Variants in CDKL3 observed in about 807,000 individuals in gnomAD.
CDKL3 encodes the protein cyclin dependent kinase like 3.
In CDKL3, 65 loss-of-function variants were observed where a neutral mutation model predicts 69.3. That is an observed-to-expected ratio of 0.94 (90% CI 0.77 to 1.15). CDKL3 has a LOEUF of 1.15. Ranked by LOEUF, CDKL3 falls within the 50% of genes most tolerant of loss-of-function variation. The probability of loss-of-function intolerance (pLI) is 0.00; values close to 1 mark genes in which losing one functional copy is unlikely to be tolerated. For synonymous variants in CDKL3, 202 were observed against 221.6 expected, an observed-to-expected ratio of 0.91 and a Z score of 0.79; for missense variants, 652 against 689.2, an observed-to-expected ratio of 0.95 and a Z score of 0.61.
chr5:134,285,116 C>T (rs567078838), downstream of CDKL3, among the ~76,000 whole-genome samples: 7 of 152,172 alleles, frequency 4.6e-5, no homozygotes, highest in Non-Finnish European at 7.4e-5. Context: ...TCCCTCCGTT[C>T]GGGGCCCCTG....
intron 2 of CDKL3, among the ~76,000 whole-genome samples, chr5:134,363,584 C>T (rs1306146879): frequency 6.6e-6 from 1 of 151,714 alleles, no homozygotes; most frequent in African/African-American, 2.4e-5. Flanking sequence ...CCTCAGCCTC[C>T]CGAGTAGCTG....
At chr5:134,322,043 C>T (rs778166967) in intron 4 of CDKL3, 140 bp from the exon 5 acceptor site, 144 of 605,588 alleles carry the variant, frequency 2.4e-4, no homozygotes, top group Non-Finnish European at 3.7e-4. Context: ...TTTTCGAGAC[C>T]GAGTCTTGCT....
chr5:134,344,692 G>A (rs1329992854), intron 4 of CDKL3, among the ~76,000 whole-genome samples: 4 of 152,178 alleles, frequency 2.6e-5, no homozygotes, highest in African/African-American at 9.7e-5. Flanking sequence ...GGTAGGCTGA[G>A]GCGGGAGGAT....
chr5:134,295,110 G>A (rs1440708748), downstream of CDKL3, among the ~76,000 whole-genome samples: 2 of 149,746 alleles, frequency 1.3e-5, no homozygotes, highest in African/African-American at 4.9e-5. Context: ...CACCTCCTGG[G>A]TTCAAGCAAT....
intron 2 of CDKL3, 74 bp from the exon 3 acceptor site, chr5:134,360,165 T>C (rs1376723128): frequency 2.0e-6 from 2 of 1,025,304 alleles, no homozygotes; most frequent in South Asian, 1.7e-5. Context: ...CGTGTAAATT[T>C]TGTAAAGAAA....
chr5:134,295,846 A>T (rs1765321946), downstream of CDKL3, among the ~76,000 whole-genome samples: 1 of 152,204 alleles, frequency 6.6e-6, no homozygotes, highest in African/African-American at 2.4e-5. Context: ...TCTGTACCAC[A>T]TAGAAGGCAT....
intron 10 of CDKL3, among the ~76,000 whole-genome samples, chr5:134,305,730 C>G (rs1017038980): frequency 5.3e-5 from 8 of 152,162 alleles, no homozygotes; most frequent in Non-Finnish European, 1.0e-4. Flanking sequence ...TGCTTTTGGA[C>G]AGGTTTGTAT....
chr5:134,335,403 G>A (rs1430146148), intron 4 of CDKL3, among the ~76,000 whole-genome samples: 1 of 152,114 alleles, frequency 6.6e-6, no homozygotes, highest in Non-Finnish European at 1.5e-5. Flanking sequence ...AATTGATGCA[G>A]TTTCTTCATA....
intron 2 of CDKL3, among the ~76,000 whole-genome samples, chr5:134,361,765 G>A (rs189867118): frequency 2.1e-3 from 326 of 152,248 alleles, no homozygotes; most frequent in African/African-American, 7.4e-3. Flanking sequence ...TTAGACCAGC[G>A]TGGTGGTGGG....
At chr5:134,302,949 A>T (rs1424187392) in intron 11 of CDKL3, among the ~76,000 whole-genome samples, 2 of 152,020 alleles carry the variant, frequency 1.3e-5, no homozygotes, top group African/African-American at 4.8e-5. Context: ...TGTTAAGTGG[A>T]TCAGATAATT....
chr5:134,349,690 A>T (rs935508397), intron 4 of CDKL3, among the ~76,000 whole-genome samples: 1 of 152,218 alleles, frequency 6.6e-6, no homozygotes, highest in Non-Finnish European at 1.5e-5. Flanking sequence ...GGATGTCTGC[A>T]TAGGTCTTCT....
chr5:134,326,849 A>G lies in CDKL3; in HGVS notation c.540-4946T>C, dbSNP rs1320111075. Reference sequence around the variant, plus strand: ...TATATATATATATATATATATATATATATATATATATATATATACACACAC... The same window carrying G: ...TATATATATATATATATATATATATGTATATATATATATATATACACACAC... On this transcript the variant is annotated intron_variant, in intron 4 of 12. Transcript: ENST00000265334. 4.3e-4 allele frequency among the ~76,000 whole-genome samples: 46 copies of G among 106,488 alleles called. 1 individual carries two copies. Among genetic ancestry groups the G allele is most frequent in the East Asian group, 1.1e-3 (5 of 4,498 alleles). The allele number at this position is 106,488 out of a possible 152,430, so 69.9% of individuals were successfully genotyped here. A position where few individuals can be genotyped will look rare whatever the true frequency, so the allele number is the denominator to read the frequency against.
At chr5:134,351,579 C>T (rs913713755) in intron 3 of CDKL3, among the ~76,000 whole-genome samples, 2 of 151,716 alleles carry the variant, frequency 1.3e-5, no homozygotes, top group African/African-American at 2.4e-5. Context: ...GGACTATAAG[C>T]GCGTGTCTGT....
intron 4 of CDKL3, among the ~76,000 whole-genome samples, chr5:134,327,973 CATGAAAATAATT>C (rs1244575478): frequency 6.6e-6 from 1 of 152,080 alleles, no homozygotes; most frequent in African/African-American, 2.4e-5. Flanking sequence ...GTATTGGCTC[CATGAAAATAATT>C]TAGCCAGTCG....
Position 134,298,588 on chromosome 5 carries a change from T to C in CDKL3, c.*63A>G, listed in dbSNP as rs1267935364. The C allele has an allele frequency of 1.0e-5, 16 of 1,590,312 alleles. 1 individual carries two copies. The highest frequency in any genetic ancestry group is 1.7e-4 in the Middle Eastern group (1 of 5,850). The stretch of plus-strand genomic sequence containing the variant: ...AACAACTCACATCACACTTCTATTG[T>C]AGATAAATAAAACGGGAAGAGTTGT... On this transcript the variant is annotated 3_prime_UTR_variant, in exon 13 of 13. Transcript: ENST00000265334.
At chr5:134,306,478 C>G (rs556488563) in intron 10 of CDKL3, 131 bp downstream of exon 10, 16 of 614,558 alleles carry the variant, frequency 2.6e-5, no homozygotes, top group South Asian at 1.9e-4. Flanking sequence ...GTCTGGGCAA[C>G]AGAGAGAGAT....
chr5:134,353,970 C>T (rs1753935555), intron 3 of CDKL3, among the ~76,000 whole-genome samples: 1 of 152,156 alleles, frequency 6.6e-6, no homozygotes, highest in Non-Finnish European at 1.5e-5. Flanking sequence ...ACCCTATTAA[C>T]CTCCTTTCCC....
intron 2 of CDKL3, among the ~76,000 whole-genome samples, chr5:134,362,295 G>A (rs190138585): frequency 4.6e-5 from 7 of 152,244 alleles, no homozygotes; most frequent in African/African-American, 1.2e-4. Flanking sequence ...CAAGGCAGGC[G>A]GATCACCTGA....
intron 8 of CDKL3, among the ~76,000 whole-genome samples, chr5:134,289,468 C>A (rs1319063810): frequency 2.6e-5 from 4 of 152,052 alleles, no homozygotes; most frequent in Admixed American, 6.6e-5. Flanking sequence ...TCAGAGATGC[C>A]CAAGAGTAAA....
Sources: allele counts gnomAD v4.1 joint callset (sites outside exome capture counted in the v4.1 genomes callset), GRCh38; gene constraint gnomAD v4.1.1; transcripts MANE v1.5; gene names NCBI Gene and HGNC (gene_info 2026-07-23, HGNC 2026-07-21).